Variants in CBX5 observed in about 807,000 individuals in gnomAD.
The protein encoded by CBX5 is chromobox 5, also known as chromobox protein homolog 5.
A neutral mutation model predicts 20.7 loss-of-function variants in CBX5; 7 were observed. That is an observed-to-expected ratio of 0.34 (90% CI 0.19 to 0.63). The LOEUF (loss-of-function observed/expected upper bound fraction) is 0.63, where lower values mean the gene tolerates loss of function less well. Among genes scored for constraint, CBX5 ranks in the 30% least tolerant of loss-of-function variants. CBX5 has a pLI of 0.75. For synonymous variants in CBX5, 78 were observed against 77.0 expected (o/e 1.01, Z -0.07); for missense variants, 110 against 224.1 (o/e 0.49, Z 3.25).
At chr12:54,279,691 A>G (rs184628073) in intron 1 of CBX5, among the ~76,000 whole-genome samples, 1 of 152,198 alleles carries the variant, frequency 6.6e-6, no homozygotes, top group African/African-American at 2.4e-5. Flanking sequence ...CTTCCTGCTC[A>G]CTGGCTCAGT....
intron 1 of CBX5, among the ~76,000 whole-genome samples, chr12:54,265,471 G>A (rs1211695567): frequency 2.6e-5 from 4 of 152,150 alleles, no homozygotes; most frequent in African/African-American, 7.2e-5. Flanking sequence ...AGCTGTCCTG[G>A]CTGTCTCAGG....
chr12:54,256,154 A>G (rs1943861354), intron 2 of CBX5, among the ~76,000 whole-genome samples: 1 of 152,210 alleles, frequency 6.6e-6, no homozygotes, highest in Admixed American at 6.5e-5. Context: ...TATCTTTCAA[A>G]CACCCAAATA....
At chr12:54,276,106 C>T (rs1944064000) in intron 1 of CBX5, among the ~76,000 whole-genome samples, 1 of 151,690 alleles carries the variant, frequency 6.6e-6, no homozygotes, top group Admixed American at 6.6e-5. Flanking sequence ...TTCACTTGCA[C>T]ACGACAGTAA....
intron 4 of CBX5, among the ~76,000 whole-genome samples, chr12:54,242,397 C>A (rs1246200188): frequency 6.6e-6 from 1 of 151,854 alleles, no homozygotes; most frequent in African/African-American, 2.4e-5. Context: ...TGGTGGCGGG[C>A]GCCTGTAGTC....
rs1325558356 is a variant in CBX5 at position 54,240,174 on chromosome 12, C to A, written c.*1581G>T. On this transcript the variant is annotated 3_prime_UTR_variant, in exon 5 of 5. Coordinates refer to ENST00000209875, the MANE Select transcript of CBX5 (RefSeq NM_012117.3). ...TATTTCCTTACTTTTAATTGTGATT[C>A]TCTAGCCCTCCTCAACTACAAAAAG... The A allele has an allele frequency of 1.3e-5, 2 of 152,164 alleles. No individual in the cohort carries two copies. The highest frequency in any genetic ancestry group is 2.9e-5 in the Non-Finnish European group (2 of 68,040). The allele number at this position is 152,164 out of a possible 1,614,324, so 9.4% of individuals were successfully genotyped here.
At position 54,241,704 on chromosome 12, in the gene CBX5, G is replaced by A; in HGVS notation, c.*51C>T. 6.5e-7 allele frequency: 1 copy of A among 1,541,000 alleles called. No individual in the cohort carries two copies. The highest frequency in any genetic ancestry group is 8.8e-7 in the Non-Finnish European group (1 of 1,137,094). On this transcript the variant is annotated 3_prime_UTR_variant, in exon 5 of 5. Transcript: ENST00000209875. ...GGTGGGTAGAAAGGAGAGGAGGCAGGGAGGTGAATGTATTATGTACAAAGA... is the reference window on the plus strand; with the variant it reads ...GGTGGGTAGAAAGGAGAGGAGGCAGAGAGGTGAATGTATTATGTACAAAGA...
intron 1 of CBX5, chr12:54,258,138 C>T (rs1181855846): frequency 1.3e-5 from 2 of 153,354 alleles, no homozygotes; most frequent in African/African-American, 2.4e-5. Flanking sequence ...TATGAGTTTT[C>T]TGTGCTCTGA....
At chr12:54,269,278 A>C (rs1943986839) in intron 1 of CBX5, among the ~76,000 whole-genome samples, 1 of 152,104 alleles carries the variant, frequency 6.6e-6, no homozygotes, top group African/African-American at 2.4e-5. Flanking sequence ...AAATAAATAA[A>C]TAACTGTTTT....
chr12:54,271,604 G>A lies in CBX5; in HGVS notation c.-43+8404C>T, dbSNP rs141522265. On this transcript the variant is annotated intron_variant, in intron 1 of 4. Transcript: ENST00000209875. ...CTCCCAAAGTGCTGGGATTACAGGC[G>A]TGAGCCACTGCACCTGGCTTGTTAC... is the stretch of plus-strand genomic sequence containing the variant. Among the ~76,000 whole-genome samples the A allele has an allele frequency of 2.1e-3, 316 of 152,320 alleles. 2 individuals are homozygous for A. Among genetic ancestry groups the A allele is most frequent in the African/African-American group, 7.2e-3 (300 of 41,574 alleles).
rs201497909 is a variant in CBX5 at position 54,252,252 on chromosome 12, A to T, written c.138-25T>A. On this transcript the variant is annotated intron_variant, in intron 2 of 4. Transcript: ENST00000209875. ...CCTGGGTAAGAAAAATGGGAAAATTAAAAAAAAAAGGGGGGGGTAAAGAAT... is the reference window on the plus strand; with the variant it reads ...CCTGGGTAAGAAAAATGGGAAAATTTAAAAAAAAAGGGGGGGGTAAAGAAT... 100 of 1,141,270 alleles carry T rather than the reference A, an allele frequency of 8.8e-5. No individual in the cohort carries two copies. The East Asian group carries it at 2.0e-3, about 23-fold the overall frequency. 70.7% of individuals were successfully genotyped at this position (1,141,270 alleles called of 1,614,324 possible). A position where few individuals can be genotyped will look rare whatever the true frequency, so the allele number is the denominator to read the frequency against.
chr12:54,244,146 C>T (rs1308251651), intron 4 of CBX5, among the ~76,000 whole-genome samples: 3 of 151,008 alleles, frequency 2.0e-5, no homozygotes, highest in Admixed American at 1.3e-4. Flanking sequence ...GGACTACAGG[C>T]GCCTGCCACC....
At chr12:54,267,550 C>T (rs890806020) in intron 1 of CBX5, among the ~76,000 whole-genome samples, 3 of 150,760 alleles carry the variant, frequency 2.0e-5, no homozygotes, top group African/African-American at 7.3e-5. Flanking sequence ...CTAGCTCTGT[C>T]GCCCAGGCTG....
intron 1 of CBX5, chr12:54,278,911 A>G (rs1944098154): frequency 6.6e-6 from 1 of 152,250 alleles, no homozygotes; most frequent in Non-Finnish European, 1.5e-5. Flanking sequence ...CGGGAGAAAG[A>G]GACTAAAATA....
chr12:54,275,107 C>CTT (rs1491415756), intron 1 of CBX5, among the ~76,000 whole-genome samples: 2 of 152,164 alleles, frequency 1.3e-5, no homozygotes, highest in Non-Finnish European at 2.9e-5. Flanking sequence ...TGTAGGCTCA[C>CTT]TCTTTCTTTC....
intron 2 of CBX5, among the ~76,000 whole-genome samples, chr12:54,253,109 G>A (rs1943824873): frequency 6.6e-6 from 1 of 151,996 alleles, no homozygotes; most frequent in South Asian, 2.1e-4. Context: ...GGATCATAGT[G>A]GTGGTTGCAT....
rs1943616667 is a variant in CBX5, at chr12:54,235,895, T to C, written c.*5860A>G. 1 of 152,194 alleles carries C rather than the reference T, an allele frequency of 6.6e-6. No homozygotes were observed. The highest frequency in any genetic ancestry group is 2.1e-4 in the South Asian group (1 of 4,822). The allele number at this position is 152,194 out of a possible 1,614,324, so 9.4% of individuals were successfully genotyped here. A position where few individuals can be genotyped will look rare whatever the true frequency, so the allele number is the denominator to read the frequency against. ...TAACACAACTGAATCTGCAACATAG[T>C]TAATGCTTTCCACAAGCAAAGATTA... On this transcript the variant is annotated 3_prime_UTR_variant, in exon 5 of 5. Transcript: ENST00000209875.
At chr12:54,253,411 T>C (rs539262500) in intron 2 of CBX5, among the ~76,000 whole-genome samples, 1 of 151,240 alleles carries the variant, frequency 6.6e-6, no homozygotes, top group South Asian at 2.1e-4. Context: ...TGAGACTCTA[T>C]CTCAAAAAAA....
rs80208994 is a variant in CBX5, at chr12:54,246,935, C to G, written c.325-720G>C. On this transcript the variant is annotated intron_variant, in intron 3 of 4. Coordinates refer to ENST00000209875, the MANE Select transcript of CBX5 (RefSeq NM_012117.3). Reference sequence around the variant, plus strand: ...AATACCATGTTTACCCTAACTGTATCTTTTCATTTTACAAACTTCAAATAT... The same window carrying G: ...AATACCATGTTTACCCTAACTGTATGTTTTCATTTTACAAACTTCAAATAT... Among the ~76,000 whole-genome samples, 72 of 152,230 alleles carry G rather than the reference C, an allele frequency of 4.7e-4. No homozygotes were observed. In the East Asian group the frequency reaches 0.011, roughly 24 times the overall value.
In CBX5 at chr12:54,240,842, A is replaced by G. The variant is rs1038764579; in HGVS notation, c.*913T>C. ...GTTGGAGGGTGCCTAGCACCTTGGC[A>G]CAAGCAAGCACCAGGCAATCACTCA... is the stretch of plus-strand genomic sequence containing the variant. On this transcript the variant is annotated 3_prime_UTR_variant, in exon 5 of 5. Transcript: ENST00000209875. 1.3e-5 allele frequency: 2 copies of G among 152,302 alleles called. No individual in the cohort carries two copies. The highest frequency in any genetic ancestry group is 4.8e-5 in the African/African-American group (2 of 41,558). 9.4% of individuals were successfully genotyped at this position (152,302 alleles called of 1,614,324 possible).
Sources: gnomAD v4.1 joint callset for allele counts (sites outside exome capture counted in the v4.1 genomes callset) on GRCh38, gnomAD v4.1.1 for gene constraint, MANE v1.5 for transcripts, NCBI Gene and HGNC (gene_info 2026-07-23, HGNC 2026-07-21) for gene names.